The following ITPR3 variants were observed in gnomAD, a reference collection of about 807,000 sequenced individuals.
ITPR3 encodes inositol 1,4,5-trisphosphate receptor type 3, also known as inositol 1,4,5-trisphosphate-gated calcium channel ITPR3.
ITPR3 carries 173 observed loss-of-function variants against 293.2 expected under a neutral mutation model. That is an observed-to-expected ratio of 0.59 (90% CI 0.52 to 0.67). The LOEUF is 0.67. Ranked by LOEUF, ITPR3 falls within the 30% of genes least tolerant of loss-of-function variation. The pLI is 0.00. For synonymous variants in ITPR3, 1,295 were observed against 1,444.4 expected, an observed-to-expected ratio of 0.90 and a Z score of 2.35; for missense variants, 2,796 against 3,592.1, an observed-to-expected ratio of 0.78 and a Z score of 5.66.
chr6:33,669,064 GA>G lies in ITPR3; in HGVS notation c.2099del (p.Asn700IlefsTer9), dbSNP rs1561868105. On this transcript the variant is annotated frameshift_variant, in exon 18 of 58. Transcript: ENST00000605930. LOFTEE classifies it high-confidence loss of function. The stretch of plus-strand genomic sequence containing the variant: ...AAGTGTGGCTCACGTGGACTGACAA[GA>G]ATAACGAGCATCATGAGAAGAGTGT... ...EEVWLTWTDK[N>X]NEHHEKSVRQ... The G allele has an allele frequency of 3.1e-6, 5 of 1,614,214 alleles. No homozygotes were observed. The highest frequency in any genetic ancestry group is 4.2e-6 in the Non-Finnish European group (5 of 1,180,042).
Position 33,625,430 on chromosome 6 carries a change from T to C in ITPR3, c.89+3739T>C, listed in dbSNP as rs546498177. Among the ~76,000 whole-genome samples, 272 of 152,232 alleles carry C rather than the reference T, an allele frequency of 1.8e-3. 2 individuals are homozygous for C. The highest frequency in any genetic ancestry group is 5.9e-3 in the African/African-American group (247 of 41,536). ...TTTTAGTAGAGACTGGGTTTCTCCA[T>C]GTTGGTCAGGCTGGTCTCAAACTCC... is the stretch of plus-strand genomic sequence containing the variant. On this transcript the variant is annotated intron_variant, in intron 1 of 57. Transcript: ENST00000605930.
In ITPR3 at chr6:33,695,083, C is replaced by A; in HGVS notation, c.7945C>A (p.Gln2649Lys). ...TGCCCAGCTCAACGAGCTCAAGGAG[C>A]AGGTGTGCACCCCGCCTGATCCCAG... ...LTAQLNELKEQMTEQRKRRQR... is the reference protein window; with the variant it reads ...LTAQLNELKEKMTEQRKRRQR... Residue 2649 changes from glutamine to lysine, a missense_variant and splice_region_variant, in exon 57 of 58, where the codon CAG becomes AAG. Physicochemically the swap from Gln to Lys is moderately conservative, Grantham distance 53. This residue lies in a region of ITPR3 where 568 missense variants were observed against 796.1 expected (regional missense o/e 0.71). Transcript: ENST00000605930. 1 of 1,613,530 alleles carries A rather than the reference C, an allele frequency of 6.2e-7. No individual in the cohort carries two copies. The highest frequency in any genetic ancestry group is 1.7e-5 in the Admixed American group (1 of 60,022).
At chr6:33,651,202 G>A (rs10947425) in intron 2 of ITPR3, among the ~76,000 whole-genome samples, 30,050 of 151,006 alleles carry the variant, frequency 0.2, 3,744 homozygotes, top group South Asian at 0.3. Context: ...GTGTGAACCC[G>A]GGAGGCGGAG....
rs948710427 is a variant in ITPR3 at position 33,654,175 on chromosome 6, G to A, written c.161-1591G>A. ...CCCAGCTACTTGGGAGGCTGAGACA[G>A]GAGAATTGCTTGAGCCTGGGAGGTG... is the stretch of plus-strand genomic sequence containing the variant. On this transcript the variant is annotated intron_variant, in intron 2 of 57. Transcript: ENST00000605930. The surrounding 1 kb of genome is among the most constrained non-coding windows in gnomAD (Gnocchi z 4.1). 6.6e-6 allele frequency among the ~76,000 whole-genome samples: 1 copy of A among 152,160 alleles called. No individual in the cohort carries two copies. The highest frequency in any genetic ancestry group is 2.4e-5 in the African/African-American group (1 of 41,442).
Position 33,688,322 on chromosome 6 carries a change from C to G in ITPR3, c.6459C>G (p.His2153Gln), listed in dbSNP as rs1426253404. 6.2e-7 allele frequency: 1 copy of G among 1,614,156 alleles called. No individual in the cohort carries two copies. The highest frequency in any genetic ancestry group is 1.3e-5 in the African/African-American group (1 of 75,046). Residue 2153 changes from histidine (H) to glutamine (Q), a missense_variant, in exon 48 of 58, where the codon CAC becomes CAG. Physicochemically the swap from His to Gln is conservative, Grantham distance 24. Around this residue, in one of 8 missense-constraint regions of ITPR3, gnomAD observed 568 missense variants for 796.1 expected, o/e 0.71. Transcript: ENST00000605930. The part of the protein sequence containing the change: ...ICQFLTEETK[H>Q]RLFTTTEQDE... ...AGTTCCTGACGGAGGAAACCAAGCA[C>G]CGGCTCTTCACCACTACTGAGCAGG...
intron 1 of ITPR3, among the ~76,000 whole-genome samples, chr6:33,639,410 T>C (rs1411733518): frequency 1.3e-5 from 2 of 151,008 alleles, no homozygotes; most frequent in African/African-American, 4.9e-5. Flanking sequence ...AAAGACCTTG[T>C]TAACCAACCC....
Position 33,693,598 on chromosome 6 carries a change from A to G in ITPR3, c.7678A>G (p.Lys2560Glu). Reference protein sequence around the residue: ...NKTVSFEEHIKLEHNMWNYLY... With the variant: ...NKTVSFEEHIELEHNMWNYLY... ...GACAGTGTCATTTGAGGAACACATC[A>G]AGCTGGAGCACAACATGTGGAACTA... Residue 2560 changes from lysine (K) to glutamate (E), a missense_variant, in exon 56 of 58, where the codon AAG (lysine) becomes GAG (glutamate). By Grantham distance (56) the Lys-to-Glu change is moderately conservative. Coordinates refer to ENST00000605930, the MANE Select transcript of ITPR3 (RefSeq NM_002224.4). The G allele has an allele frequency of 6.2e-7, 1 of 1,614,210 alleles. No individual in the cohort carries two copies. Among genetic ancestry groups the G allele is most frequent in the Non-Finnish European group, 8.5e-7 (1 of 1,180,030 alleles).
At chr6:33,680,843 T>C (rs1343469044) in intron 33 of ITPR3, among the ~76,000 whole-genome samples, 163 bp downstream of exon 33, 40 of 145,954 alleles carry the variant, frequency 2.7e-4, no homozygotes, top group African/African-American at 9.6e-4. Flanking sequence ...TTTTTTGAGA[T>C]GGAGTTTCAC....
rs1166937750 is a variant in ITPR3 at position 33,637,990 on chromosome 6, TTTTTG to T, written c.90-2469_90-2465del. On this transcript the variant is annotated intron_variant, in intron 1 of 57. Transcript: ENST00000605930. ...CAGAGGCTGCCTTACCTAGGCACGT[TTTTTG>T]TTTTGTTTTGTTTTGTTTTGTTTTT... is the stretch of plus-strand genomic sequence containing the variant. Among the ~76,000 whole-genome samples, 313 of 150,578 alleles carry T rather than the reference TTTTTG, an allele frequency of 2.1e-3. 5 individuals carry two copies. Among genetic ancestry groups the T allele is most frequent in the South Asian group, 7.8e-3 (37 of 4,762 alleles).
chr6:33,695,633 G>A (rs771926234), intron 57 of ITPR3, 79 bp from the exon 58 acceptor site: 142 of 1,425,054 alleles, frequency 1.0e-4, no homozygotes, highest in Non-Finnish European at 1.3e-4. Context: ...GAAGACGGGT[G>A]CCAAGCTCTT....
Position 33,683,412 on chromosome 6 carries a change from G to T in ITPR3, c.4788+15G>T. Reference sequence around the variant, plus strand: ...AGAAGCTGCAGGTGGGTGTGGGGCTGCCTGGCATCTGCCTCGGGAGCTGCT... The same window carrying T: ...AGAAGCTGCAGGTGGGTGTGGGGCTTCCTGGCATCTGCCTCGGGAGCTGCT... On this transcript the variant is annotated intron_variant, in intron 35 of 57. Transcript: ENST00000605930. This position sits in a 1 kb window ranked among gnomAD's most constrained non-coding sequence, Gnocchi z 4.5. 1.3e-6 allele frequency: 2 copies of T among 1,515,862 alleles called. No homozygotes were observed. The highest frequency in any genetic ancestry group is 1.8e-6 in the Non-Finnish European group (2 of 1,123,948). 93.9% of individuals were successfully genotyped at this position (1,515,862 alleles called of 1,614,324 possible).
Position 33,621,632 on chromosome 6 carries a change from C to T in ITPR3, c.30C>T (p.Ile10=). Residue 10 remains isoleucine, a synonymous_variant, in exon 1 of 58, where the codon ATC becomes ATT. Coordinates refer to ENST00000605930, the MANE Select transcript of ITPR3 (RefSeq NM_002224.4). This position sits in a 1 kb window ranked among gnomAD's most constrained non-coding sequence, Gnocchi z 7.7. MSEMSSFLH[I]GDIVSLYAEG... is the part of the protein sequence containing the mutation. ...GTGAAATGTCCAGCTTTCTTCACAT[C>T]GGGGACATCGTCTCCCTGTACGCCG... 6.2e-6 allele frequency: 10 copies of T among 1,608,708 alleles called. No individual in the cohort carries two copies. Among genetic ancestry groups the T allele is most frequent in the South Asian group, 1.1e-5 (1 of 90,124 alleles).
chr6:33,621,410 A>G lies in ITPR3; in HGVS notation c.-193A>G, dbSNP rs1051723188. On this transcript the variant is annotated 5_prime_UTR_variant, in exon 1 of 58. Coordinates refer to ENST00000605930, the MANE Select transcript of ITPR3 (RefSeq NM_002224.4). The surrounding 1 kb of genome is among the most constrained non-coding windows in gnomAD (Gnocchi z 7.7). ...CGCGCCAAGACGTGGGCACCTCCTC[A>G]CCCGGACCCCGGGCCCCGCCGAGCC... 5.0e-6 allele frequency: 2 copies of G among 400,264 alleles called. No homozygotes were observed. Among genetic ancestry groups the G allele is most frequent in the Non-Finnish European group, 8.9e-6 (2 of 224,380 alleles). 24.8% of individuals were successfully genotyped at this position (400,264 alleles called of 1,614,324 possible).
At position 33,667,129 on chromosome 6, in the gene ITPR3, G is replaced by A. The variant is rs1273048174; in HGVS notation, c.1552G>A (p.Val518Ile). Residue 518 changes from valine to isoleucine, a missense_variant and splice_region_variant, in exon 15 of 58, where the codon GTC becomes ATC. Physicochemically the swap from Val to Ile is conservative, Grantham distance 29 (BLOSUM62 3). Coordinates refer to ENST00000605930, the MANE Select transcript of ITPR3 (RefSeq NM_002224.4). The surrounding 1 kb of genome is among the most constrained non-coding windows in gnomAD (Gnocchi z 4.4). ...GTCCTCACCCTCTGTATTCCCCCAG[G>A]TCTTTGGCATTCTGAAGGCCCCGTT... ...LMREQNILKQ[V>I]FGILKAPFRE... The A allele has an allele frequency of 2.5e-6, 4 of 1,613,684 alleles. No homozygotes were observed. The highest frequency in any genetic ancestry group is 1.3e-5 in the African/African-American group (1 of 74,916).
intron 1 of ITPR3, among the ~76,000 whole-genome samples, chr6:33,635,841 G>C (rs1157598456): frequency 6.6e-6 from 1 of 151,906 alleles, no homozygotes; most frequent in African/African-American, 2.4e-5. Flanking sequence ...GAGGGGTGAG[G>C]GGAAGGGGGA....
At position 33,685,883 on chromosome 6, in the gene ITPR3, C is replaced by T. The variant is rs1230285981; in HGVS notation, c.5667+56C>T. ...CCCCGCTGGCCAGCCGGCATGCAGA[C>T]TAGGCAGTGTGGCTGGTGTCCCTCT... is the stretch of plus-strand genomic sequence containing the variant. On this transcript the variant is annotated intron_variant, in intron 41 of 57. Transcript: ENST00000605930. 4.5e-6 allele frequency: 7 copies of T among 1,544,788 alleles called. No homozygotes were observed. In the African/African-American group the frequency reaches 8.2e-5, roughly 18 times the overall value.
chr6:33,662,220 C>T (rs1764490835), intron 7 of ITPR3, among the ~76,000 whole-genome samples: 1 of 151,812 alleles, frequency 6.6e-6, no homozygotes, highest in South Asian at 2.1e-4. Context: ...TGGAGATGGG[C>T]CGTTAGAGGT....
At chr6:33,685,023 TGAAGGCC>T in intron 39 of ITPR3, 80 bp downstream of exon 39, 3 of 1,492,022 alleles carry the variant, frequency 2.0e-6, no homozygotes, top group Non-Finnish European at 2.7e-6. Flanking sequence ...AGTTGGGCAC[TGAAGGCC>T]GAGGAGGGTG....
Position 33,693,662 on chromosome 6 carries a change from C to G in ITPR3, c.7742C>G (p.Thr2581Ser). ...GTGCTGGTCCGCGTGAAGAACAAGA[C>G]CGACTACACGGGCCCTGAGAGCTAC... Reference protein sequence around the residue: ...FIVLVRVKNKTDYTGPESYVA... With the variant: ...FIVLVRVKNKSDYTGPESYVA... Residue 2581 changes from threonine to serine, a missense_variant, in exon 56 of 58, where the codon ACC (threonine) becomes AGC (serine). Physicochemically the swap from Thr to Ser is moderately conservative, Grantham distance 58 (BLOSUM62 1). Around this residue, in one of 8 missense-constraint regions of ITPR3, gnomAD observed 568 missense variants for 796.1 expected, o/e 0.71. Transcript: ENST00000605930. 6.2e-7 allele frequency: 1 copy of G among 1,614,212 alleles called. No individual in the cohort carries two copies. The highest frequency in any genetic ancestry group is 8.5e-7 in the Non-Finnish European group (1 of 1,180,032).
Sources: gnomAD v4.1 joint callset for allele counts (sites outside exome capture counted in the v4.1 genomes callset) on GRCh38, gnomAD v4.1.1 for gene constraint, gnomAD v4.1.1 regional missense constraint, Gnocchi (gnomAD v3.1) non-coding constraint, MANE v1.5 for transcripts, NCBI Gene and HGNC (gene_info 2026-07-23, HGNC 2026-07-21) for gene names.